ASXL1: variants seen among roughly 807,000 people sequenced by gnomAD.
ASXL1 encodes the protein polycomb group protein ASXL1.
In ASXL1, 65 loss-of-function variants were observed where a neutral mutation model predicts 89.1. The ratio of observed to expected loss-of-function variants is 0.73; its 90% CI spans 0.60 to 0.90. The LOEUF is 0.90. ASXL1 is among the 40% of genes least tolerant of loss of function. The pLI is 0.00. For missense variants in ASXL1, 1,786 were observed against 1,942.9 expected (o/e 0.92, Z 1.52); for synonymous variants, 739 against 746.9 (o/e 0.99, Z 0.17).
chr20:32,434,373 C>T (rs749370947), intron 12 of ASXL1, 59 bp from the exon 13 acceptor site: 239 of 1,591,036 alleles, frequency 1.5e-4, no homozygotes, highest in Non-Finnish European at 2.0e-4. Flanking sequence ...TTTTGCTTTA[C>T]AGTCCCTAGG....
intron 11 of ASXL1, 92 bp from the exon 12 acceptor site, chr20:32,433,192 A>G: frequency 5.1e-6 from 8 of 1,581,810 alleles, no homozygotes; most frequent in Non-Finnish European, 6.0e-6. Flanking sequence ...TTTTGTTCTG[A>G]GATATCTGTG....
chr20:32,379,929 G>A (rs1435851387), intron 4 of ASXL1, among the ~76,000 whole-genome samples: 1 of 150,222 alleles, frequency 6.7e-6, no homozygotes, highest in African/African-American at 2.5e-5. Context: ...TTTCAGTTAA[G>A]TTCAGTTGAA....
chr20:32,419,328 G>A (rs2049197711), intron 4 of ASXL1, among the ~76,000 whole-genome samples: 1 of 151,952 alleles, frequency 6.6e-6, no homozygotes, highest in African/African-American at 2.4e-5. Context: ...TCAGCCTCCC[G>A]AGTAGCTGAG....
In ASXL1 at chr20:32,434,907, T is replaced by C. The variant is rs770152895; in HGVS notation, c.2195T>C (p.Leu732Pro). The change falls in exon 13 of 13, where the codon CTA becomes CCA. Residue 732 changes from leucine to proline, a missense_variant. Around this residue, in one of 3 missense-constraint regions of ASXL1, gnomAD observed 1,418 missense variants for 1,427.8 expected, o/e 0.99. Coordinates refer to ENST00000375687, the MANE Select transcript of ASXL1 (RefSeq NM_015338.6). ...PSLRKEESCL[L>P]QRATVGLTDG... ...CTGAGAAAGGAGGAAAGCTGCCTAC[T>C]ACAGAGGGCTACAGTTGGACTCACA... The C allele has an allele frequency of 2.1e-5, 34 of 1,614,176 alleles. No homozygotes were observed. The highest frequency in any genetic ancestry group is 2.7e-5 in the Non-Finnish European group (32 of 1,180,018).
At chr20:32,380,025 T>C (rs1196994388) in intron 4 of ASXL1, among the ~76,000 whole-genome samples, 1 of 152,080 alleles carries the variant, frequency 6.6e-6, no homozygotes, top group East Asian at 1.9e-4. Flanking sequence ...CTCACCCCTG[T>C]AATCCCAGCA....
At chr20:32,425,517 C>T (rs1247887675) in intron 4 of ASXL1, among the ~76,000 whole-genome samples, 1 of 152,184 alleles carries the variant, frequency 6.6e-6, no homozygotes, top group East Asian at 1.9e-4. Flanking sequence ...TAATTGTAGC[C>T]ATTCTGATGG....
chr20:32,434,469 AAGGTC>A lies in ASXL1; in HGVS notation c.1760_1764del (p.Gly587AlafsTer30). ...CGTATCAAACCACCCTGGGTGGTTA[AAGGTC>A]AGCCCACTTACCAGATATGCCCCCG... On this transcript the variant is annotated frameshift_variant, in exon 13 of 13. Transcript: ENST00000375687. LOFTEE classifies it low-confidence loss of function (END_TRUNC). The A allele has an allele frequency of 6.2e-7, 1 of 1,614,110 alleles. No individual in the cohort carries two copies. Among genetic ancestry groups the A allele is most frequent in the Non-Finnish European group, 8.5e-7 (1 of 1,180,016 alleles).
chr20:32,433,397 CCA>C lies in ASXL1; in HGVS notation c.1201_1202del (p.Thr401ProfsTer8). 1 of 1,614,160 alleles carries C rather than the reference CCA, an allele frequency of 6.2e-7. No homozygotes were observed. Among genetic ancestry groups the C allele is most frequent in the Non-Finnish European group, 8.5e-7 (1 of 1,180,022 alleles). ...TCAGTGCGTATACAGCGTGGTCCAG[CCA>C]CCCGACAGCGAGATGGGCATTTTAA... On this transcript the variant is annotated frameshift_variant, in exon 12 of 13. Transcript: ENST00000375687. LOFTEE classifies it high-confidence loss of function.
chr20:32,402,858 A>G (rs1201153603), intron 4 of ASXL1, among the ~76,000 whole-genome samples: 2 of 152,196 alleles, frequency 1.3e-5, no homozygotes, highest in East Asian at 1.9e-4. Flanking sequence ...GTGATTTGCA[A>G]ATATTTTCTC....
chr20:32,362,854 A>G (rs546645522), intron 1 of ASXL1, among the ~76,000 whole-genome samples: 27 of 152,142 alleles, frequency 1.8e-4, no homozygotes, highest in Non-Finnish European at 2.9e-4. Context: ...AAATCCTCCA[A>G]CTTGTTATAA....
chr20:32,367,525 AG>A (rs1489904616), intron 2 of ASXL1, among the ~76,000 whole-genome samples: 1 of 152,250 alleles, frequency 6.6e-6, no homozygotes, highest in Non-Finnish European at 1.5e-5. Flanking sequence ...TAGGGTCAAA[AG>A]GCCTTCACTT....
chr20:32,395,481 T>G (rs1249400585), intron 4 of ASXL1, among the ~76,000 whole-genome samples: 1 of 152,230 alleles, frequency 6.6e-6, no homozygotes, highest in Non-Finnish European at 1.5e-5. Context: ...GTTTATTATA[T>G]ACTTTGTTGT....
intron 4 of ASXL1, chr20:32,427,098 C>G (rs2011335636): frequency 6.6e-6 from 1 of 152,170 alleles, no homozygotes; most frequent in African/African-American, 2.4e-5. Flanking sequence ...TTCTTCTTGT[C>G]TCCAACTGCC....
chr20:32,420,453 G>A (rs1380000298), intron 4 of ASXL1, among the ~76,000 whole-genome samples: 1 of 151,872 alleles, frequency 6.6e-6, no homozygotes, highest in African/African-American at 2.4e-5. Flanking sequence ...CTGACCTGTG[G>A]GAGAACATTT....
chr20:32,366,868 C>G (rs539671680), intron 2 of ASXL1, among the ~76,000 whole-genome samples: 1 of 152,088 alleles, frequency 6.6e-6, no homozygotes, highest in Admixed American at 6.6e-5. Flanking sequence ...GAACAGTGGT[C>G]TCATCAACAT....
At chr20:32,401,563 T>TC (rs1240367581) in intron 4 of ASXL1, among the ~76,000 whole-genome samples, 1 of 85,726 alleles carries the variant, frequency 1.2e-5, no homozygotes, top group Non-Finnish European at 2.6e-5. Flanking sequence ...CCCCCCCCCT[T>TC]TTTTTTTTTG....
chr20:32,429,445 C>G lies in ASXL1; in HGVS notation c.565+14C>G. 1.2e-6 allele frequency: 2 copies of G among 1,611,840 alleles called. No homozygotes were observed. Among genetic ancestry groups the G allele is most frequent in the Non-Finnish European group, 1.7e-6 (2 of 1,177,966 alleles). On this transcript the variant is annotated intron_variant, in intron 7 of 12. Transcript: ENST00000375687. This position sits in a 1 kb window ranked among gnomAD's most constrained non-coding sequence, Gnocchi z 4.9. ...AATCTGCATCAGGTATGTGTAAACTCATGGTTGTGATGCTTTTTCCTCAGG... is the reference window on the plus strand; with the variant it reads ...AATCTGCATCAGGTATGTGTAAACTGATGGTTGTGATGCTTTTTCCTCAGG...
intron 1 of ASXL1, chr20:32,359,922 G>C: frequency 1.4e-6 from 1 of 702,720 alleles, no homozygotes; most frequent in Non-Finnish European, 2.7e-6. Flanking sequence ...GTCACACAGC[G>C]AGGTTGTGGT....
chr20:32,370,718 A>T (rs906530583), intron 4 of ASXL1, among the ~76,000 whole-genome samples: 2 of 152,162 alleles, frequency 1.3e-5, no homozygotes, highest in African/African-American at 2.4e-5. Flanking sequence ...TTTATATATA[A>T]ATAAAGTTTA....
Sources: allele counts gnomAD v4.1 joint callset (sites outside exome capture counted in the v4.1 genomes callset), GRCh38; gene constraint gnomAD v4.1.1; regional missense constraint gnomAD v4.1.1; non-coding constraint Gnocchi (gnomAD v3.1); transcripts MANE v1.5; gene names NCBI Gene and HGNC (gene_info 2026-07-23, HGNC 2026-07-21).